ADAMTSL1: variants seen among roughly 807,000 people sequenced by gnomAD.
The protein encoded by ADAMTSL1 is ADAMTS-like protein 1.
ADAMTSL1 carries 126 observed loss-of-function variants against 201.8 expected under a neutral mutation model. The ratio of observed to expected loss-of-function variants is 0.62; its 90% confidence interval spans 0.54 to 0.72. The LOEUF (loss-of-function observed/expected upper bound fraction) is 0.72. Among genes scored for constraint, ADAMTSL1 ranks in the 30% least tolerant of loss-of-function variants. ADAMTSL1 has a pLI of 0.00. For missense variants in ADAMTSL1, 2,679 were observed against 2,277.8 expected (o/e 1.18, Z -3.59); for synonymous variants, 1,121 against 903.4 (o/e 1.24, Z -4.32).
intron 3 of ADAMTSL1, chr9:18,573,327 T>C (rs1364318615): frequency 6.5e-6 from 1 of 154,762 alleles, no homozygotes; most frequent in Non-Finnish European, 1.5e-5. Flanking sequence ...TTGCCTCTGT[T>C]CTAACACAAG....
chr9:18,297,369 CT>C (rs1000297410), intron 2 of ADAMTSL1, among the ~76,000 whole-genome samples: 204 of 143,400 alleles, frequency 1.4e-3, no homozygotes, highest in East Asian at 1.6e-3. Context: ...TTTTCTTTTT[CT>C]TTTTTTTTTT....
intron 2 of ADAMTSL1, among the ~76,000 whole-genome samples, chr9:18,408,784 A>G (rs764884562): frequency 2.0e-5 from 3 of 152,224 alleles, no homozygotes; most frequent in Admixed American, 6.5e-5. Flanking sequence ...TTTATTGGAC[A>G]TAAAATGTTG....
At chr9:18,680,224 T>C (rs2133161704) in intron 10 of ADAMTSL1, 88 bp from the exon 11 acceptor site, 1 of 1,339,832 alleles carries the variant, frequency 7.5e-7, no homozygotes, top group South Asian at 1.3e-5. Flanking sequence ...ATTATACCAA[T>C]AGACATGGGG....
At chr9:18,711,669 G>C (rs1179023333) in intron 14 of ADAMTSL1, among the ~76,000 whole-genome samples, 2 of 152,246 alleles carry the variant, frequency 1.3e-5, no homozygotes, top group Non-Finnish European at 2.9e-5. Context: ...GAGGCTGGGG[G>C]AGGGGCGCCC....
intron 19 of ADAMTSL1, among the ~76,000 whole-genome samples, chr9:18,781,149 CAG>C (rs763114158): frequency 6.6e-6 from 1 of 152,054 alleles, no homozygotes; most frequent in Non-Finnish European, 1.5e-5. Context: ...TTGATAGAAA[CAG>C]AGACGTGGCA....
At chr9:18,723,204 A>G in intron 15 of ADAMTSL1, 1 of 680,392 alleles carries the variant, frequency 1.5e-6, no homozygotes, top group South Asian at 1.6e-5. Flanking sequence ...ACTTGCTCAC[A>G]TGTCCCATGA....
At chr9:18,180,779 A>G (rs1828431959) in intron 2 of ADAMTSL1, among the ~76,000 whole-genome samples, 1 of 152,152 alleles carries the variant, frequency 6.6e-6, no homozygotes, top group Non-Finnish European at 1.5e-5. Context: ...GAATTGGAAA[A>G]AACTACTTTA....
intron 1 of ADAMTSL1, among the ~76,000 whole-genome samples, chr9:18,497,986 T>C (rs1456677168): frequency 6.6e-6 from 1 of 152,228 alleles, no homozygotes; most frequent in Non-Finnish European, 1.5e-5. Context: ...CATCTCCAAA[T>C]TGTTGTCCCA....
At chr9:18,107,456 A>C (rs1195101390) in intron 1 of ADAMTSL1, among the ~76,000 whole-genome samples, 6 of 152,200 alleles carry the variant, frequency 3.9e-5, no homozygotes, top group Non-Finnish European at 8.8e-5. Context: ...AGTGACAGAC[A>C]CTATTAAATG....
chr9:18,627,347 T>C (rs1238983527), intron 5 of ADAMTSL1, among the ~76,000 whole-genome samples: 1 of 152,218 alleles, frequency 6.6e-6, no homozygotes, highest in Non-Finnish European at 1.5e-5. Context: ...TTTATTTGCA[T>C]TTTCCTAATG....
At chr9:18,077,253 A>G (rs1372577904) in intron 1 of ADAMTSL1, among the ~76,000 whole-genome samples, 1 of 152,230 alleles carries the variant, frequency 6.6e-6, no homozygotes, top group Non-Finnish European at 1.5e-5. Flanking sequence ...CACTATACAA[A>G]TGGCATTTAA....
At chr9:18,401,806 C>T (rs576066866) in intron 2 of ADAMTSL1, among the ~76,000 whole-genome samples, 10 of 152,072 alleles carry the variant, frequency 6.6e-5, no homozygotes, top group Non-Finnish European at 1.5e-4. Context: ...AAGCTGTTCG[C>T]GTGATCTCAG....
At chr9:18,633,269 G>A (rs1826889168) in intron 5 of ADAMTSL1, among the ~76,000 whole-genome samples, 1 of 152,186 alleles carries the variant, frequency 6.6e-6, no homozygotes, top group Non-Finnish European at 1.5e-5. Flanking sequence ...AAAAAGTCAT[G>A]TCTTTATGCA....
rs555591804 is a variant in ADAMTSL1 at position 18,368,079 on chromosome 9, T to A, written c.208-136750T>A. ...CACGCCAGGCTAATTTTTTTTTTTT[T>A]AATTTTTTTTTATTTTTAATAGAGA... On this transcript the variant is annotated intron_variant, in intron 2 of 29. Coordinates refer to the ADAMTSL1 transcript ENST00000680146. Among the ~76,000 whole-genome samples the A allele has an allele frequency of 1.5e-3, 231 of 151,336 alleles. 1 individual carries two copies. The highest frequency in any genetic ancestry group is 5.4e-3 in the African/African-American group (225 of 41,300).
At chr9:18,246,007 C>A (rs1831247132) in intron 2 of ADAMTSL1, among the ~76,000 whole-genome samples, 1 of 152,104 alleles carries the variant, frequency 6.6e-6, no homozygotes, top group East Asian at 1.9e-4. Context: ...GTTGCTATTA[C>A]CATAAATTCA....
chr9:18,164,869 T>A (rs1827564442), intron 2 of ADAMTSL1, among the ~76,000 whole-genome samples: 2 of 151,844 alleles, frequency 1.3e-5, no homozygotes, highest in Non-Finnish European at 2.9e-5. Context: ...TCAGACAGAG[T>A]AAATTGGCTC....
intron 19 of ADAMTSL1, among the ~76,000 whole-genome samples, chr9:18,789,082 C>G (rs1020537443): frequency 6.6e-6 from 1 of 152,148 alleles, no homozygotes; most frequent in Admixed American, 6.5e-5. Flanking sequence ...TTTCTATACA[C>G]CCAATTTATG....
chr9:18,604,532 T>C (rs562277746), intron 4 of ADAMTSL1, among the ~76,000 whole-genome samples: 2 of 152,226 alleles, frequency 1.3e-5, no homozygotes, highest in Non-Finnish European at 2.9e-5. Flanking sequence ...TTTTTTTGTC[T>C]GGTTTATTTT....
At chr9:18,534,962 G>T (rs1819669405) in intron 3 of ADAMTSL1, among the ~76,000 whole-genome samples, 1 of 152,176 alleles carries the variant, frequency 6.6e-6, no homozygotes, top group African/African-American at 2.4e-5. Context: ...GATGGGAGGG[G>T]CTTCCAGGAA....
Sources: gnomAD v4.1 joint callset for allele counts (sites outside exome capture counted in the v4.1 genomes callset) on GRCh38, gnomAD v4.1.1 for gene constraint, MANE v1.5 for transcripts, NCBI Gene and HGNC (gene_info 2026-07-23, HGNC 2026-07-21) for gene names.